PATJ: variants seen among roughly 807,000 people sequenced by gnomAD.
PATJ encodes inaD-like protein.
PATJ carries 190 observed loss-of-function variants against 224.9 expected under a neutral mutation model. The observed-to-expected ratio is 0.84, with a 90% CI of 0.75 to 0.95. The LOEUF is 0.95. Ranked by LOEUF, PATJ falls within the 40% of genes least tolerant of loss-of-function variation. PATJ has a pLI of 0.00. For missense variants in PATJ, 2,121 were observed against 2,270.3 expected (o/e 0.93, Z 1.34); for synonymous variants, 769 against 820.3 (o/e 0.94, Z 1.07).
intron 27 of PATJ, among the ~76,000 whole-genome samples, chr1:61,938,002 A>C (rs1023831187): frequency 6.6e-6 from 1 of 152,066 alleles, no homozygotes; most frequent in East Asian, 1.9e-4. Context: ...GTGCTTTTCA[A>C]ACTCAGTCTG....
At chr1:62,116,500 G>A (rs1664456785) in intron 35 of PATJ, 32 bp from the exon 36 acceptor site, 7 of 1,610,606 alleles carry the variant, frequency 4.3e-6, no homozygotes, top group Non-Finnish European at 5.1e-6. Context: ...ATTAGGTTGT[G>A]CCAATACTGC....
chr1:61,991,197 G>A (rs7538799), intron 28 of PATJ, among the ~76,000 whole-genome samples: 13,770 of 113,250 alleles, frequency 0.12, 1,132 homozygotes, highest in East Asian at 0.42. Flanking sequence ...TGATGATGAT[G>A]ATGATGATGA....
At chr1:61,955,891 T>C (rs531149282) in intron 27 of PATJ, among the ~76,000 whole-genome samples, 1 of 152,366 alleles carries the variant, frequency 6.6e-6, no homozygotes, top group African/African-American at 2.4e-5. Context: ...TTTTTGGTAA[T>C]TCATGTTGTA....
chr1:62,080,867 C>T (rs181464325), intron 32 of PATJ, among the ~76,000 whole-genome samples: 4 of 152,120 alleles, frequency 2.6e-5, no homozygotes, highest in East Asian at 3.9e-4. Flanking sequence ...AAAACTATGG[C>T]GCATGGGTCA....
chr1:61,772,403 A>T (rs1646671591), intron 6 of PATJ, among the ~76,000 whole-genome samples: 1 of 152,170 alleles, frequency 6.6e-6, no homozygotes, highest in Admixed American at 6.5e-5. Flanking sequence ...ATACATACTG[A>T]ACAATTTGAA....
chr1:61,906,173 A>T (rs1671828697), intron 24 of PATJ, among the ~76,000 whole-genome samples: 2 of 152,156 alleles, frequency 1.3e-5, no homozygotes, highest in African/African-American at 4.8e-5. Context: ...AGATGAAGAG[A>T]TGCATAGGGC....
In PATJ at chr1:61,800,493, A is replaced by ACATAGTTT. The variant is rs1293691658; in HGVS notation, c.1403-1129_1403-1122dup. ...CCTGAATATTAGTTGTTCATTGGAGACATAGTTTGCAAATATTTTCTCCCA... is the reference window on the plus strand; with the variant it reads ...CCTGAATATTAGTTGTTCATTGGAGACATAGTTTCATAGTTTGCAAATATTTTCTCCCA... On this transcript the variant is annotated intron_variant, in intron 11 of 43. Transcript: ENST00000642238. Among the ~76,000 whole-genome samples the ACATAGTTT allele has an allele frequency of 2.6e-5, 4 of 152,086 alleles. No homozygotes were observed. The East Asian group carries it at 5.8e-4, about 22-fold the overall frequency.
chr1:61,783,423 C>CTTTTTTTTTTTTTTTT (rs79615768), intron 7 of PATJ, among the ~76,000 whole-genome samples: 1 of 119,230 alleles, frequency 8.4e-6, no homozygotes, highest in Non-Finnish European at 1.8e-5. Context: ...CTTTTCTTTT[C>CTTTTTTTTTTTTTTTT]TTTTTTTTTT....
intron 4 of PATJ, among the ~76,000 whole-genome samples, chr1:61,768,423 T>C (rs924867423): frequency 1.3e-5 from 2 of 151,384 alleles, no homozygotes; most frequent in Non-Finnish European, 2.9e-5. Context: ...TGAGCCGAGA[T>C]TGCGCCACTG....
At chr1:62,160,790 G>A (rs1669769570) in intron 43 of PATJ, 118 bp from the exon 44 acceptor site, 2 of 1,011,996 alleles carry the variant, frequency 2.0e-6, no homozygotes, top group Non-Finnish European at 1.4e-6. Flanking sequence ...AACTTAATTG[G>A]TAGTTTTTAA....
intron 27 of PATJ, among the ~76,000 whole-genome samples, chr1:61,968,297 A>C (rs922454968): frequency 6.6e-6 from 1 of 152,176 alleles, no homozygotes; most frequent in Non-Finnish European, 1.5e-5. Flanking sequence ...TTTAGAATAC[A>C]CATGGGGTCT....
intron 31 of PATJ, among the ~76,000 whole-genome samples, chr1:62,075,484 G>A (rs1329858387): frequency 6.6e-6 from 1 of 152,188 alleles, no homozygotes; most frequent in African/African-American, 2.4e-5. Flanking sequence ...CCAATTTATA[G>A]ATGGGGCGGT....
chr1:61,981,278 A>G (rs1644435034), intron 27 of PATJ, among the ~76,000 whole-genome samples: 1 of 151,928 alleles, frequency 6.6e-6, no homozygotes, highest in African/African-American at 2.4e-5. Context: ...GCCCATGAGA[A>G]GCACCTGAGC....
intron 41 of PATJ, among the ~76,000 whole-genome samples, chr1:62,146,734 G>T (rs186371357): frequency 1.6e-3 from 241 of 152,048 alleles, no homozygotes; most frequent in Non-Finnish European, 2.0e-3. Context: ...CCAAGATCAC[G>T]CCATTGCACT....
chr1:61,810,499 C>G (rs1224196720), intron 14 of PATJ, among the ~76,000 whole-genome samples: 1 of 151,876 alleles, frequency 6.6e-6, no homozygotes, highest in Admixed American at 6.6e-5. Context: ...AAGTTCGAGA[C>G]CAGCCTGGCC....
chr1:61,937,978 T>G (rs1677154365), intron 27 of PATJ, among the ~76,000 whole-genome samples: 2 of 152,276 alleles, frequency 1.3e-5, no homozygotes, highest in African/African-American at 4.8e-5. Flanking sequence ...TGTATCTGAA[T>G]CTCTTCTAAA....
chr1:62,155,387 G>A (rs1669079147), intron 43 of PATJ, among the ~76,000 whole-genome samples: 1 of 152,168 alleles, frequency 6.6e-6, no homozygotes, highest in African/African-American at 2.4e-5. Context: ...GATGGCACCA[G>A]AACATACAGC....
intron 29 of PATJ, among the ~76,000 whole-genome samples, chr1:62,022,357 G>A (rs1647134227): frequency 6.6e-6 from 1 of 152,100 alleles, no homozygotes; most frequent in African/African-American, 2.4e-5. Flanking sequence ...CGCATCATTA[G>A]ATTTTGGATA....
At chr1:61,776,213 C>G (rs765031215) in intron 7 of PATJ, among the ~76,000 whole-genome samples, 9 of 152,214 alleles carry the variant, frequency 5.9e-5, no homozygotes, top group Non-Finnish European at 1.3e-4. Context: ...TTTAGAACAG[C>G]AGTTGTCAAA....
Sources: gnomAD v4.1 joint callset for allele counts (sites outside exome capture counted in the v4.1 genomes callset) on GRCh38, gnomAD v4.1.1 for gene constraint, MANE v1.5 for transcripts, NCBI Gene and HGNC (gene_info 2026-07-23, HGNC 2026-07-21) for gene names.